The following WDPCP variants were observed in gnomAD, a reference collection of about 807,000 sequenced individuals.
The protein encoded by WDPCP is WD repeat-containing and planar cell polarity effector protein fritz homolog.
Under a neutral mutation model 93.1 loss-of-function variants are expected in WDPCP, and 71 were observed. The observed-to-expected ratio is 0.76, with a 90% CI of 0.63 to 0.93. WDPCP has a LOEUF of 0.93. Ranked by LOEUF, WDPCP falls within the 40% of genes least tolerant of loss-of-function variation. WDPCP has a pLI of 0.00. For missense variants in WDPCP, 844 were observed against 887.4 expected, an observed-to-expected ratio of 0.95 and a Z score of 0.62; for synonymous variants, 315 against 315.0, an observed-to-expected ratio of 1.00 and a Z score of 0.00.
At chr2:63,555,407 T>TG (rs1391333413) in intron 1 of WDPCP, among the ~76,000 whole-genome samples, 1 of 50,364 alleles carries the variant, frequency 2.0e-5, no homozygotes, top group Non-Finnish European at 3.1e-5. Flanking sequence ...GACTTAGTTT[T>TG]TCCCCTGCTG....
At chr2:63,301,444 G>C (rs896007418) in intron 13 of WDPCP, among the ~76,000 whole-genome samples, 3 of 152,154 alleles carry the variant, frequency 2.0e-5, no homozygotes, top group African/African-American at 2.4e-5. Flanking sequence ...CATAATAGCA[G>C]GATATAAAGT....
At chr2:63,566,844 C>G (rs2106445496) in intron 1 of WDPCP, among the ~76,000 whole-genome samples, 2 of 152,280 alleles carry the variant, frequency 1.3e-5, no homozygotes, top group East Asian at 1.9e-4. Flanking sequence ...TCAAGGGTTC[C>G]CACGACCCCC....
intron 2 of WDPCP, among the ~76,000 whole-genome samples, chr2:63,490,396 A>T (rs1017646375): frequency 6.6e-6 from 1 of 152,184 alleles, no homozygotes; most frequent in Non-Finnish European, 1.5e-5. Flanking sequence ...CAAGAAAAAA[A>T]ATTCTCTGTA....
At chr2:63,479,766 G>C (rs910337973) in intron 6 of WDPCP, among the ~76,000 whole-genome samples, 1 of 152,004 alleles carries the variant, frequency 6.6e-6, no homozygotes. Flanking sequence ...CAAGGATGCT[G>C]ACCCTCAACA....
At chr2:63,633,297 G>A (rs1281818680) in intron 3 of WDPCP, among the ~76,000 whole-genome samples, 1 of 152,190 alleles carries the variant, frequency 6.6e-6, no homozygotes, top group East Asian at 1.9e-4. Context: ...AAACTGACTG[G>A]TAAAGGTAAA....
intron 14 of WDPCP, among the ~76,000 whole-genome samples, chr2:63,221,589 G>C (rs1850983): frequency 0.94 from 143,479 of 152,276 alleles, 67,810 homozygotes; most frequent in South Asian, 0.99. Context: ...CTTGGACGTT[G>C]TGGGTCTTTG....
chr2:63,174,907 GAAC>G (rs1203265984), intron 14 of WDPCP, 75 bp from the exon 15 acceptor site: 12 of 1,510,812 alleles, frequency 7.9e-6, no homozygotes, highest in Non-Finnish European at 1.1e-5. Context: ...TAAGATTACA[GAAC>G]AACATTCACA....
chr2:63,146,076 A>C (rs1398386556), intron 17 of WDPCP, among the ~76,000 whole-genome samples: 1 of 152,166 alleles, frequency 6.6e-6, no homozygotes, highest in Non-Finnish European at 1.5e-5. Flanking sequence ...AAACTGCTGA[A>C]GTTGTTTATC....
chr2:63,501,752 G>T (rs185242354), intron 1 of WDPCP, among the ~76,000 whole-genome samples: 1 of 152,210 alleles, frequency 6.6e-6, no homozygotes, highest in East Asian at 1.9e-4. Context: ...AAGTATCTGG[G>T]ATTACAGGCG....
At chr2:63,195,622 A>G (rs1675370867) in intron 14 of WDPCP, among the ~76,000 whole-genome samples, 4 of 152,114 alleles carry the variant, frequency 2.6e-5, no homozygotes, top group Admixed American at 1.3e-4. Flanking sequence ...CAGGACAGAC[A>G]TAGATTTTTT....
intron 10 of WDPCP, among the ~76,000 whole-genome samples, chr2:63,383,534 G>A (rs1415137852): frequency 1.3e-5 from 2 of 152,118 alleles, no homozygotes; most frequent in East Asian, 3.9e-4. Context: ...GGCAAACATG[G>A]CAAAACAGTC....
intron 3 of WDPCP, among the ~76,000 whole-genome samples, chr2:63,628,597 T>C (rs1452061798): frequency 6.6e-6 from 1 of 152,184 alleles, no homozygotes; most frequent in Non-Finnish European, 1.5e-5. Context: ...TTCTGTTCTA[T>C]GAGGAAATTC....
chr2:63,362,277 T>TTGGGTGTGTGTGTGTGTGTGTGTGTG lies in WDPCP; in HGVS notation c.1748+16108_1748+16109insCACACACACACACACACACACACCCA, dbSNP rs1553362983. ...GAATCCCTTTTTTTTTTTTTTTTGG[T>TTGGGTGTGTGTGTGTGTGTGTGTGTG]TGTGTGTGTGTGTGTGTGTGTGTGT... On this transcript the variant is annotated intron_variant, in intron 12 of 17. Transcript: ENST00000272321. 1.1e-4 allele frequency among the ~76,000 whole-genome samples: 10 copies of TTGGGTGTGTGTGTGTGTGTGTGTGTG among 94,108 alleles called. 2 individuals carry two copies. The highest frequency in any genetic ancestry group is 4.2e-4 in the African/African-American group (9 of 21,668). The allele number at this position is 94,108 out of a possible 152,430, so 61.7% of individuals were successfully genotyped here.
chr2:63,622,847 G>A (rs1709761918), intron 3 of WDPCP: 1 of 1,597,668 alleles, frequency 6.3e-7, no homozygotes, highest in Admixed American at 1.7e-5. Context: ...TGGCCGAAGT[G>A]GGCTCAGCAC....
At chr2:63,456,848 C>T (rs544161093) in intron 6 of WDPCP, among the ~76,000 whole-genome samples, 1 of 152,168 alleles carries the variant, frequency 6.6e-6, no homozygotes, top group Admixed American at 6.5e-5. Context: ...CCTGTCTCTA[C>T]TACAAATACA....
intron 3 of WDPCP, among the ~76,000 whole-genome samples, chr2:63,621,059 G>A (rs1169843707): frequency 6.6e-6 from 1 of 152,118 alleles, no homozygotes; most frequent in East Asian, 1.9e-4. Flanking sequence ...ACAAAGATGA[G>A]GAAAAACCAG....
intron 3 of WDPCP, among the ~76,000 whole-genome samples, chr2:63,601,749 C>CT (rs1709422704): frequency 6.6e-6 from 1 of 152,090 alleles, no homozygotes; most frequent in Non-Finnish European, 1.5e-5. Flanking sequence ...GTGGAGAGGC[C>CT]TAGAGGCATT....
chr2:63,809,856 T>A (rs1413195652), intron 2 of WDPCP, among the ~76,000 whole-genome samples: 1 of 152,074 alleles, frequency 6.6e-6, no homozygotes, highest in South Asian at 2.1e-4. Flanking sequence ...TCCACTGTTG[T>A]CGTATGACCC....
chr2:63,709,851 G>A (rs1407472862), intron 2 of WDPCP, among the ~76,000 whole-genome samples: 1 of 152,196 alleles, frequency 6.6e-6, no homozygotes, highest in Non-Finnish European at 1.5e-5. Flanking sequence ...GGCTACTGCT[G>A]AGTAGGGAAC....
Sources: allele counts gnomAD v4.1 joint callset (sites outside exome capture counted in the v4.1 genomes callset), GRCh38; gene constraint gnomAD v4.1.1; transcripts MANE v1.5; gene names NCBI Gene and HGNC (gene_info 2026-07-23, HGNC 2026-07-21).